FSTL4: variants seen among roughly 807,000 people sequenced by gnomAD.
The protein encoded by FSTL4 is follistatin like 4.
Under a neutral mutation model 78.2 loss-of-function variants are expected in FSTL4, and 28 were observed. That is an observed-to-expected ratio of 0.36 (90% confidence interval 0.27 to 0.49). The LOEUF (loss-of-function observed/expected upper bound fraction) is 0.49, where lower values mean the gene tolerates loss of function less well. Ranked by LOEUF, FSTL4 falls within the 20% of genes least tolerant of loss-of-function variation. The probability of loss-of-function intolerance (pLI) is 0.98; values close to 1 mark genes in which losing one functional copy is unlikely to be tolerated. For missense variants in FSTL4, 922 were observed against 1,084.9 expected, an observed-to-expected ratio of 0.85 and a Z score of 2.11; for synonymous variants, 422 against 440.5, an observed-to-expected ratio of 0.96 and a Z score of 0.53.
chr5:133,295,827 C>G (rs1753382917), intron 6 of FSTL4, among the ~76,000 whole-genome samples: 1 of 152,150 alleles, frequency 6.6e-6, no homozygotes. Context: ...TTTTGGGGCT[C>G]CCACTCCTCT....
chr5:133,286,891 T>A (rs1753142291), intron 6 of FSTL4, among the ~76,000 whole-genome samples: 1 of 152,236 alleles, frequency 6.6e-6, no homozygotes, highest in Non-Finnish European at 1.5e-5. Context: ...CCATGGGGCT[T>A]GAATGGAGAA....
chr5:133,721,242 A>T, the FSTL4 span, among the ~76,000 whole-genome samples: 3 of 151,646 alleles, frequency 2.0e-5, no homozygotes, highest in African/African-American at 7.3e-5. Context: ...TTCTTTAACA[A>T]CTCATCGTAG....
At chr5:133,554,577 C>T (rs771470594) in intron 3 of FSTL4, among the ~76,000 whole-genome samples, 3 of 152,144 alleles carry the variant, frequency 2.0e-5, no homozygotes, top group Non-Finnish European at 4.4e-5. Flanking sequence ...GGGCAAGAAA[C>T]AATTATTTAT....
the FSTL4 span, among the ~76,000 whole-genome samples, chr5:133,781,666 C>G: frequency 6.6e-6 from 1 of 152,210 alleles, no homozygotes; most frequent in Non-Finnish European, 1.5e-5. Flanking sequence ...TCCTGCCACA[C>G]TGTGTGTACC....
At chr5:133,670,935 C>A in the FSTL4 span, among the ~76,000 whole-genome samples, 2 of 152,158 alleles carry the variant, frequency 1.3e-5, no homozygotes, top group Non-Finnish European at 2.9e-5. Flanking sequence ...CCATCAGGAC[C>A]TGGATTCCAT....
At chr5:133,630,393 G>C in the FSTL4 span, among the ~76,000 whole-genome samples, 9,695 of 152,032 alleles carry the variant, frequency 0.064, 342 homozygotes, top group South Asian at 0.074. Flanking sequence ...CCCATTCACC[G>C]TTGCTACAAA....
chr5:133,622,293 A>G, the FSTL4 span, among the ~76,000 whole-genome samples: 7 of 152,062 alleles, frequency 4.6e-5, no homozygotes, highest in African/African-American at 1.7e-4. Context: ...TTGTTTAACC[A>G]CCTGGCTTTT....
chr5:133,314,085 G>A (rs1753847364), intron 5 of FSTL4, among the ~76,000 whole-genome samples: 1 of 152,220 alleles, frequency 6.6e-6, no homozygotes, highest in African/African-American at 2.4e-5. Flanking sequence ...GGAGCCATGT[G>A]GGCCTGGATA....
At chr5:133,311,967 T>A (rs1252762729) in intron 6 of FSTL4, among the ~76,000 whole-genome samples, 2 of 152,210 alleles carry the variant, frequency 1.3e-5, no homozygotes, top group Non-Finnish European at 2.9e-5. Flanking sequence ...GAATGGCTCT[T>A]GTATCTTGCA....
chr5:133,727,885 G>A, the FSTL4 span, among the ~76,000 whole-genome samples: 1 of 152,184 alleles, frequency 6.6e-6, no homozygotes, highest in South Asian at 2.1e-4. Flanking sequence ...GCTGGCCTGA[G>A]GACACCTATC....
At chr5:133,259,190 G>T (rs1305427621) in intron 6 of FSTL4, among the ~76,000 whole-genome samples, 6 of 144,512 alleles carry the variant, frequency 4.2e-5, no homozygotes, top group African/African-American at 1.5e-4. Context: ...TGGGGGGTGG[G>T]TGCTGGTGTG....
At chr5:133,655,311 A>G in the FSTL4 span, among the ~76,000 whole-genome samples, 18 of 152,294 alleles carry the variant, frequency 1.2e-4, no homozygotes, top group African/African-American at 4.1e-4. Flanking sequence ...GCCTCTAGCT[A>G]TCCCAGTCCA....
chr5:133,371,598 T>G (rs1224309206), intron 4 of FSTL4, among the ~76,000 whole-genome samples: 1 of 152,188 alleles, frequency 6.6e-6, no homozygotes, highest in East Asian at 1.9e-4. Context: ...GAAGTGCCTG[T>G]AAAGTAATGC....
intron 4 of FSTL4, among the ~76,000 whole-genome samples, chr5:133,323,264 T>G (rs1245336087): frequency 6.6e-6 from 1 of 152,194 alleles, no homozygotes; most frequent in Non-Finnish European, 1.5e-5. Flanking sequence ...CCTACTCCTA[T>G]TCCCTATCTT....
At chr5:133,207,774 A>G (rs1221829087) in intron 14 of FSTL4, 1 of 152,156 alleles carries the variant, frequency 6.6e-6, no homozygotes, top group Non-Finnish European at 1.5e-5. Context: ...CAGCCTATCA[A>G]GTAGCTAGGA....
At chr5:133,251,568 C>G (rs913307595) in intron 6 of FSTL4, among the ~76,000 whole-genome samples, 2 of 152,158 alleles carry the variant, frequency 1.3e-5, no homozygotes, top group Non-Finnish European at 2.9e-5. Flanking sequence ...TATTGACCAT[C>G]TCCTGTCTTA....
chr5:133,655,851 G>A, the FSTL4 span, among the ~76,000 whole-genome samples: 1 of 152,274 alleles, frequency 6.6e-6, no homozygotes, highest in East Asian at 1.9e-4. Context: ...TATTAATGCA[G>A]TTACTAATCA....
intron 2 of FSTL4, among the ~76,000 whole-genome samples, chr5:133,590,220 T>C (rs1760595838): frequency 6.6e-6 from 1 of 152,116 alleles, no homozygotes; most frequent in Non-Finnish European, 1.5e-5. Context: ...AGAGGAGCCA[T>C]TCAGACTTCC....
chr5:133,772,095 G>A, the FSTL4 span, among the ~76,000 whole-genome samples: 1 of 152,164 alleles, frequency 6.6e-6, no homozygotes, highest in Admixed American at 6.5e-5. Flanking sequence ...TTTTTGCCAG[G>A]TAAGTAAGTT....
Sources: gnomAD v4.1 joint callset for allele counts (sites outside exome capture counted in the v4.1 genomes callset) on GRCh38, gnomAD v4.1.1 for gene constraint, MANE v1.5 for transcripts, NCBI Gene and HGNC (gene_info 2026-07-23, HGNC 2026-07-21) for gene names.